Variants in SLC6A3 observed in about 807,000 individuals in gnomAD.
The protein encoded by SLC6A3 is sodium-dependent dopamine transporter.
A neutral mutation model predicts 70.4 loss-of-function variants in SLC6A3; 19 were observed. The ratio of observed to expected loss-of-function variants is 0.27; its 90% CI spans 0.19 to 0.40. The LOEUF (loss-of-function observed/expected upper bound fraction) is 0.40. SLC6A3 is among the 10% of genes least tolerant of loss of function. The pLI is 1.00. For synonymous variants in SLC6A3, 368 were observed against 356.6 expected (o/e 1.03, Z -0.36); for missense variants, 613 against 838.5 (o/e 0.73, Z 3.32).
chr5:1,416,658 T>C, intron 6 of SLC6A3: 1 of 303,214 alleles, frequency 3.3e-6, no homozygotes, highest in Admixed American at 4.6e-5. Context: ...CTCAGCGTCC[T>C]AATAGCCCTC....
Position 1,443,025 on chromosome 5 carries a change from T to A in SLC6A3, c.173A>T (p.Gln58Leu), listed in dbSNP as rs1202741725. The A allele has an allele frequency of 6.2e-7, 1 of 1,614,212 alleles. No individual in the cohort carries two copies. Among genetic ancestry groups the A allele is most frequent in the African/African-American group, 1.3e-5 (1 of 75,058 alleles). ...CTTCTTGCCCCAGGTCTCCCGATCC[T>A]GGGCCTCCACGGGGCTCTGCCGCGG... Reference protein sequence around the residue: ...TNPRQSPVEAQDRETWGKKID... With the variant: ...TNPRQSPVEALDRETWGKKID... The change falls in exon 2 of 15, where the codon CAG (glutamine) becomes CTG (leucine). Residue 58 changes from glutamine to leucine, a missense_variant. Transcript: ENST00000270349.
At chr5:1,407,413 C>T (rs1404761608) in intron 11 of SLC6A3, among the ~76,000 whole-genome samples, 1 of 152,214 alleles carries the variant, frequency 6.6e-6, no homozygotes, top group Non-Finnish European at 1.5e-5. Context: ...CCCCTCGGCC[C>T]CCAGACCCTG....
chr5:1,419,931 C>T (rs1412023485), intron 6 of SLC6A3, among the ~76,000 whole-genome samples: 2 of 152,186 alleles, frequency 1.3e-5, no homozygotes, highest in Admixed American at 6.5e-5. Context: ...CCCCTTCCTT[C>T]CCACTTCTGC....
chr5:1,438,392 C>T lies in SLC6A3; in HGVS notation c.418+2967G>A, dbSNP rs1756890026. Among the ~76,000 whole-genome samples, 1 of 152,194 alleles carries T rather than the reference C, an allele frequency of 6.6e-6. No homozygotes were observed. Among genetic ancestry groups the T allele is most frequent in the South Asian group, 2.1e-4 (1 of 4,836 alleles). ...CAGAGGAGACGACTGCCCAGCTTAC[C>T]CCGGCTGCGCATTGTGGAGAACACG... is the stretch of plus-strand genomic sequence containing the variant. On this transcript the variant is annotated intron_variant, in intron 3 of 14. Coordinates refer to ENST00000270349, the MANE Select transcript of SLC6A3 (RefSeq NM_001044.5). The surrounding 1 kb of genome is among the most constrained non-coding windows in gnomAD (Gnocchi z 6.5).
intron 8 of SLC6A3, among the ~76,000 whole-genome samples, chr5:1,412,936 AG>A (rs1365828409): frequency 2.0e-5 from 3 of 152,162 alleles, no homozygotes; most frequent in Non-Finnish European, 4.4e-5. Flanking sequence ...GGCTCGCCTG[AG>A]ATGTTCCGGG....
At chr5:1,415,022 G>A (rs577884221) in intron 7 of SLC6A3, among the ~76,000 whole-genome samples, 11 of 152,272 alleles carry the variant, frequency 7.2e-5, no homozygotes, top group Admixed American at 4.6e-4. Context: ...GCTGCTCAAG[G>A]CTCAGCCATC....
chr5:1,440,145 C>T (rs773125910), intron 3 of SLC6A3, among the ~76,000 whole-genome samples: 3 of 151,256 alleles, frequency 2.0e-5, no homozygotes, highest in Non-Finnish European at 4.4e-5. Flanking sequence ...GTGGATAGGT[C>T]GATAGGTGGA....
chr5:1,443,036 G>C lies in SLC6A3; in HGVS notation c.162C>G (p.Pro54=), dbSNP rs6351. The change falls in exon 2 of 15, where the codon CCC becomes CCG. Residue 54 remains proline (P), a synonymous_variant. Coordinates refer to ENST00000270349, the MANE Select transcript of SLC6A3 (RefSeq NM_001044.5). ...AGGTCTCCCGATCCTGGGCCTCCAC[G>C]GGGCTCTGCCGCGGGTTGGTGAGGG... is the stretch of plus-strand genomic sequence containing the variant. ...SSTLTNPRQS[P]VEAQDRETWG... is the part of the protein sequence containing the mutation. 6 of 1,614,186 alleles carry C rather than the reference G, an allele frequency of 3.7e-6. No homozygotes were observed. Among genetic ancestry groups the C allele is most frequent in the East Asian group, 4.5e-5 (2 of 44,870 alleles).
At chr5:1,426,117 T>A (rs1407962836) in intron 4 of SLC6A3, among the ~76,000 whole-genome samples, 1 of 152,184 alleles carries the variant, frequency 6.6e-6, no homozygotes, top group Non-Finnish European at 1.5e-5. Flanking sequence ...AAACACAGAA[T>A]TATCACATAG....
At chr5:1,426,155 A>T (rs1272937074) in intron 4 of SLC6A3, among the ~76,000 whole-genome samples, 3 of 152,152 alleles carry the variant, frequency 2.0e-5, no homozygotes, top group African/African-American at 7.2e-5. Flanking sequence ...CTGGGTATCT[A>T]CTCAAAAGTA....
intron 1 of SLC6A3, among the ~76,000 whole-genome samples, chr5:1,443,674 CTTTTTTT>C (rs113657129): frequency 2.3e-4 from 34 of 150,034 alleles, no homozygotes; most frequent in African/African-American, 8.1e-4. Flanking sequence ...ATTCTTTTTT[CTTTTTTT>C]TTTCTTTTTT....
intron 11 of SLC6A3, among the ~76,000 whole-genome samples, chr5:1,407,311 C>A (rs1430555222): frequency 6.6e-6 from 1 of 152,206 alleles, no homozygotes; most frequent in Non-Finnish European, 1.5e-5. Context: ...ACCCACCCGG[C>A]ATCCGAGCTC....
chr5:1,394,347 C>T lies in SLC6A3; in HGVS notation c.*388G>A, dbSNP rs183824581. On this transcript the variant is annotated 3_prime_UTR_variant, in exon 15 of 15. Transcript: ENST00000270349. This position sits in a 1 kb window ranked among gnomAD's most constrained non-coding sequence, Gnocchi z 4.7. The stretch of plus-strand genomic sequence containing the variant: ...TGAGCACGGGGATTCTCAGCAGGTG[C>T]GTCTACAAGGATCGTGATCCCCGCC... The T allele has an allele frequency of 6.1e-4, 234 of 384,306 alleles. No individual in the cohort carries two copies. Among genetic ancestry groups the T allele is most frequent in the African/African-American group, 3.2e-3 (156 of 48,920 alleles). The allele number at this position is 384,306 out of a possible 1,614,324, so 23.8% of individuals were successfully genotyped here. A position where few individuals can be genotyped will look rare whatever the true frequency, so the allele number is the denominator to read the frequency against.
At chr5:1,423,008 A>ACG (rs1430750847) in intron 4 of SLC6A3, among the ~76,000 whole-genome samples, 3 of 71,890 alleles carry the variant, frequency 4.2e-5, no homozygotes, top group Non-Finnish European at 7.4e-5. Flanking sequence ...ACTGCTGCCC[A>ACG]GTGCTGCCCA....
rs755204020 is a variant in SLC6A3 at position 1,394,766 on chromosome 5, G to A, written c.1840-8C>T. 3 of 1,614,154 alleles carry A rather than the reference G, an allele frequency of 1.9e-6. No homozygotes were observed. Among genetic ancestry groups the A allele is most frequent in the Non-Finnish European group, 2.5e-6 (3 of 1,180,006 alleles). ...CTTGAGCCAGTGGCGGAGCTGGAAA[G>A]AAAACAGGTTTAGTCAGAAACCCTG... On this transcript the variant is annotated splice_polypyrimidine_tract_variant and splice_region_variant and intron_variant, in intron 14 of 14. Transcript: ENST00000270349. The surrounding 1 kb of genome is among the most constrained non-coding windows in gnomAD (Gnocchi z 4.7).
chr5:1,400,276 G>A (rs566985097), intron 14 of SLC6A3, among the ~76,000 whole-genome samples: 8 of 152,276 alleles, frequency 5.3e-5, no homozygotes, highest in Admixed American at 2.0e-4. Context: ...TGGGTCTCAG[G>A]GACCCTGGTG....
intron 3 of SLC6A3, among the ~76,000 whole-genome samples, chr5:1,434,166 A>G (rs1756776076): frequency 6.6e-6 from 1 of 152,246 alleles, no homozygotes; most frequent in South Asian, 2.1e-4. Context: ...CTACCCATGC[A>G]TGACCATCCA....
chr5:1,421,726 TG>T lies in SLC6A3; in HGVS notation c.792+149del. On this transcript the variant is annotated intron_variant, in intron 5 of 14. Transcript: ENST00000270349. The surrounding 1 kb of genome is among the most constrained non-coding windows in gnomAD (Gnocchi z 7.2). ...CATATGAGTCTCCCAAACTCAACCA[TG>T]GCCATGTGTCCACCCCAACCTGGCC... is the stretch of plus-strand genomic sequence containing the variant. 1.2e-6 allele frequency: 1 copy of T among 839,708 alleles called. No individual in the cohort carries two copies. Among genetic ancestry groups the T allele is most frequent in the Non-Finnish European group, 2.0e-6 (1 of 490,210 alleles). 52.0% of individuals were successfully genotyped at this position (839,708 alleles called of 1,614,324 possible).
chr5:1,417,304 C>T (rs1358066210), intron 6 of SLC6A3, among the ~76,000 whole-genome samples: 1 of 152,176 alleles, frequency 6.6e-6, no homozygotes, highest in Admixed American at 6.5e-5. Flanking sequence ...GCCCTGACAA[C>T]CCTCAGAACA....
Sources: gnomAD v4.1 joint callset for allele counts (sites outside exome capture counted in the v4.1 genomes callset) on GRCh38, gnomAD v4.1.1 for gene constraint, Gnocchi (gnomAD v3.1) non-coding constraint, MANE v1.5 for transcripts, NCBI Gene and HGNC (gene_info 2026-07-23, HGNC 2026-07-21) for gene names.